The following ADAMTS20 variants were observed in gnomAD, a reference collection of about 807,000 sequenced individuals.
ADAMTS20 encodes the protein ADAM metallopeptidase with thrombospondin type 1 motif 20, also known as A disintegrin and metalloproteinase with thrombospondin motifs 20.
Under a neutral mutation model 260.1 loss-of-function variants are expected in ADAMTS20, and 225 were observed. The ratio of observed to expected loss-of-function variants is 0.87; its 90% CI spans 0.78 to 0.97. The LOEUF (loss-of-function observed/expected upper bound fraction) is 0.97, where lower values mean the gene tolerates loss of function less well. Ranked by LOEUF, ADAMTS20 falls within the 50% of genes least tolerant of loss-of-function variation. The pLI is 0.00. For synonymous variants in ADAMTS20, 802 were observed against 769.5 expected, an observed-to-expected ratio of 1.04 and a Z score of -0.70; for missense variants, 2,400 against 2,337.7, an observed-to-expected ratio of 1.03 and a Z score of -0.55.
chr12:43,501,055 C>CTTTTTTTTTTTTTTTTTTT (rs79075751), intron 4 of ADAMTS20, among the ~76,000 whole-genome samples: 2 of 104,868 alleles, frequency 1.9e-5, no homozygotes, highest in Non-Finnish European at 3.7e-5. Context: ...CTATGTAATT[C>CTTTTTTTTTTTTTTTTTTT]TTTTTTTTTT....
chr12:43,453,818 A>C (rs772293112), intron 12 of ADAMTS20, 89 bp downstream of exon 12: 61 of 1,432,802 alleles, frequency 4.3e-5, no homozygotes, highest in Non-Finnish European at 5.6e-5. Flanking sequence ...TTACGGACTG[A>C]CCTCCAGTTT....
chr12:43,430,325 T>C lies in ADAMTS20; in HGVS notation c.3381+27A>G, dbSNP rs770796553. The C allele has an allele frequency of 3.1e-6, 5 of 1,596,846 alleles. No individual in the cohort carries two copies. In the South Asian group the frequency reaches 3.4e-5, roughly 11 times the overall value. On this transcript the variant is annotated intron_variant, in intron 23 of 38. Coordinates refer to ENST00000389420, the MANE Select transcript of ADAMTS20 (RefSeq NM_025003.5). ...TAATCTTTCTGTCTCATAAATCTTT[T>C]TGTTTGTAAACCATGATTCTTTTTA...
In ADAMTS20 at chr12:43,552,038, G is replaced by C. The variant is rs1412909815; in HGVS notation, c.-117C>G. On this transcript the variant is annotated 5_prime_UTR_variant, in exon 1 of 39. Coordinates refer to ENST00000389420, the MANE Select transcript of ADAMTS20 (RefSeq NM_025003.5). The stretch of plus-strand genomic sequence containing the variant: ...CTCGCCCGCCGCTCTCCGCGCCTCA[G>C]CAGCCTAGGGAACAGCAGCGCGGGC... 3 of 854,640 alleles carry C rather than the reference G, an allele frequency of 3.5e-6. No homozygotes were observed. The highest frequency in any genetic ancestry group is 5.7e-6 in the Non-Finnish European group (3 of 527,106). The allele number at this position is 854,640 out of a possible 1,614,324, so 52.9% of individuals were successfully genotyped here.
At chr12:43,440,196 T>C (rs1941636947) in intron 16 of ADAMTS20, 127 bp from the exon 17 acceptor site, 1 of 693,510 alleles carries the variant, frequency 1.4e-6, no homozygotes, top group Non-Finnish European at 2.3e-6. Context: ...CAGGCTGGAG[T>C]ACAGTGGCAC....
chr12:43,435,641 T>TAAAAAAAAAAAAAAAAAAAAAAAAA (rs35112845), intron 18 of ADAMTS20, among the ~76,000 whole-genome samples: 1 of 84,666 alleles, frequency 1.2e-5, no homozygotes, highest in African/African-American at 4.7e-5. Flanking sequence ...ACTCCATTTC[T>TAAAAAAAAAAAAAAAAAAAAAAAAA]AAAAAAAAAA....
At chr12:43,358,498 A>G (rs1461523965) in intron 37 of ADAMTS20, among the ~76,000 whole-genome samples, 1 of 152,226 alleles carries the variant, frequency 6.6e-6, no homozygotes, top group African/African-American at 2.4e-5. Context: ...GAAAGTTCAG[A>G]CAGATCTCAC....
Position 43,493,156 on chromosome 12 carries a change from G to T in ADAMTS20, c.951+14C>A. ...ACTACAACTAAGGTTACTAATTTTA[G>T]ACCTGTTTCTTACCTCCTCACGGTG... On this transcript the variant is annotated intron_variant, in intron 5 of 38. Coordinates refer to ENST00000389420, the MANE Select transcript of ADAMTS20 (RefSeq NM_025003.5). 6.5e-7 allele frequency: 1 copy of T among 1,527,408 alleles called. No individual in the cohort carries two copies. 94.6% of individuals were successfully genotyped at this position (1,527,408 alleles called of 1,614,324 possible).
intron 5 of ADAMTS20, 91 bp from the exon 6 acceptor site, chr12:43,492,720 A>G (rs1942622292): frequency 2.1e-6 from 3 of 1,442,786 alleles, no homozygotes; most frequent in East Asian, 2.3e-5. Context: ...TTTATCAAAT[A>G]GCATTCTCAC....
intron 24 of ADAMTS20, 63 bp downstream of exon 24, chr12:43,429,554 T>C (rs928680678): frequency 1.7e-6 from 2 of 1,152,058 alleles, no homozygotes; most frequent in Non-Finnish European, 2.5e-6. Flanking sequence ...CTAGCAACCA[T>C]TTTGTTGATG....
At chr12:43,493,033 T>C (rs1304216406) in intron 5 of ADAMTS20, 137 bp downstream of exon 5, 10 of 664,524 alleles carry the variant, frequency 1.5e-5, no homozygotes. Context: ...CAAATAAGGG[T>C]AATCTCATTC....
intron 28 of ADAMTS20, among the ~76,000 whole-genome samples, chr12:43,414,090 A>G (rs1049844947): frequency 6.6e-6 from 1 of 152,212 alleles, no homozygotes. Flanking sequence ...ATAGAAATTC[A>G]TAAAGATTAT....
Position 43,354,175 on chromosome 12 carries a change from C to T in ADAMTS20, c.*34G>A. 1 of 1,428,942 alleles carries T rather than the reference C, an allele frequency of 7.0e-7. No homozygotes were observed. The allele number at this position is 1,428,942 out of a possible 1,614,324, so 88.5% of individuals were successfully genotyped here. On this transcript the variant is annotated 3_prime_UTR_variant, in exon 39 of 39. Transcript: ENST00000389420. Reference sequence around the variant, plus strand: ...TTATTTGAATATTCCAGAGAATATCCCCTCTTTAGGGCATACTTCCCCCTT... The same window carrying T: ...TTATTTGAATATTCCAGAGAATATCTCCTCTTTAGGGCATACTTCCCCCTT...
intron 35 of ADAMTS20, among the ~76,000 whole-genome samples, 193 bp from the exon 36 acceptor site, chr12:43,375,705 G>A (rs1317445204): frequency 2.6e-5 from 4 of 152,188 alleles, no homozygotes; most frequent in Admixed American, 2.6e-4. Context: ...AGAAGAGCTT[G>A]TAGAAAAATA....
intron 3 of ADAMTS20, among the ~76,000 whole-genome samples, chr12:43,507,118 A>G (rs979678061): frequency 6.6e-6 from 1 of 152,240 alleles, no homozygotes; most frequent in East Asian, 1.9e-4. Flanking sequence ...CACCACACAC[A>G]TACAAATTGG....
chr12:43,439,260 G>C (rs144220186), intron 18 of ADAMTS20, among the ~76,000 whole-genome samples: 200 of 152,262 alleles, frequency 1.3e-3, no homozygotes, highest in African/African-American at 4.6e-3. Context: ...CCAGGTTGTT[G>C]AGAAAGACTG....
At chr12:43,481,370 T>C (rs1410216343) in intron 7 of ADAMTS20, among the ~76,000 whole-genome samples, 1 of 152,182 alleles carries the variant, frequency 6.6e-6, no homozygotes, top group Admixed American at 6.5e-5. Flanking sequence ...ACAAGGATAA[T>C]AAATTTATCT....
intron 18 of ADAMTS20, 59 bp from the exon 19 acceptor site, chr12:43,434,430 A>T: frequency 6.7e-7 from 1 of 1,498,556 alleles, no homozygotes; most frequent in Non-Finnish European, 8.9e-7. Flanking sequence ...TAGATGTTCC[A>T]TAATTATGTA....
At chr12:43,371,930 G>A (rs1940117650) in intron 36 of ADAMTS20, among the ~76,000 whole-genome samples, 2 of 152,312 alleles carry the variant, frequency 1.3e-5, no homozygotes, top group South Asian at 4.1e-4. Context: ...ATGTTGCTAG[G>A]TTTTAGCTAG....
chr12:43,477,062 A>T lies in ADAMTS20; in HGVS notation c.1118-8357T>A, dbSNP rs530600014. Among the ~76,000 whole-genome samples the T allele has an allele frequency of 2.2e-4, 34 of 152,068 alleles. No homozygotes were observed. In the East Asian group the frequency reaches 4.8e-3, roughly 22 times the overall value. ...ATAAAAGACCTCTAAATAAAAAAAAAAAAAAAACAATTACCTTAACTATCA... is the reference window on the plus strand; with the variant it reads ...ATAAAAGACCTCTAAATAAAAAAAATAAAAAAACAATTACCTTAACTATCA... On this transcript the variant is annotated intron_variant, in intron 7 of 38. Transcript: ENST00000389420.
Sources: allele counts gnomAD v4.1 joint callset (sites outside exome capture counted in the v4.1 genomes callset), GRCh38; gene constraint gnomAD v4.1.1; transcripts MANE v1.5; gene names NCBI Gene and HGNC (gene_info 2026-07-23, HGNC 2026-07-21).